Variants in VAV3 observed in about 807,000 individuals in gnomAD.
The protein encoded by VAV3 is guanine nucleotide exchange factor VAV3.
In VAV3, 94 loss-of-function variants were observed where a neutral mutation model predicts 131.2. The ratio of observed to expected loss-of-function variants is 0.72; its 90% CI spans 0.61 to 0.85. The LOEUF (loss-of-function observed/expected upper bound fraction) is 0.85. Ranked by LOEUF, VAV3 falls within the 40% of genes least tolerant of loss-of-function variation. The probability of loss-of-function intolerance (pLI) is 0.00; values close to 1 mark genes in which losing one functional copy is unlikely to be tolerated. For missense variants in VAV3, 939 were observed against 1,002.7 expected, an observed-to-expected ratio of 0.94 and a Z score of 0.86; for synonymous variants, 349 against 342.0, an observed-to-expected ratio of 1.02 and a Z score of -0.22.
intron 20 of VAV3, among the ~76,000 whole-genome samples, chr1:107,639,380 TAA>T (rs75758271): frequency 6.7e-6 from 1 of 150,272 alleles, no homozygotes; most frequent in South Asian, 2.1e-4. Context: ...ATCAAGAGAA[TAA>T]AAAAAAAGCC....
At chr1:107,597,613 A>C (rs1187521754) in intron 24 of VAV3, among the ~76,000 whole-genome samples, 1 of 152,206 alleles carries the variant, frequency 6.6e-6, no homozygotes, top group Non-Finnish European at 1.5e-5. Context: ...GTAAAATTAC[A>C]ATAGCCAGGA....
At chr1:107,911,896 A>G (rs1355681903) in intron 1 of VAV3, among the ~76,000 whole-genome samples, 6 of 152,238 alleles carry the variant, frequency 3.9e-5, no homozygotes, top group Non-Finnish European at 5.9e-5. Flanking sequence ...AGGCAAACAC[A>G]ATAGACTTAC....
chr1:107,940,735 CA>C (rs891400942), intron 1 of VAV3, among the ~76,000 whole-genome samples: 2 of 151,944 alleles, frequency 1.3e-5, no homozygotes, highest in African/African-American at 2.4e-5. Context: ...CACAAAGGGC[CA>C]AAAACTGTAT....
intron 2 of VAV3, among the ~76,000 whole-genome samples, chr1:107,818,354 C>T (rs1010866590): frequency 6.6e-6 from 1 of 152,062 alleles, no homozygotes; most frequent in Non-Finnish European, 1.5e-5. Context: ...AGTGGAAATG[C>T]ACCCAGTGCA....
In VAV3 at chr1:107,864,266, A is replaced by G. The variant is rs975981509; in HGVS notation, c.321+10635T>C. On this transcript the variant is annotated intron_variant, in intron 2 of 26. Coordinates refer to ENST00000370056, the MANE Select transcript of VAV3 (RefSeq NM_006113.5). Reference sequence around the variant, plus strand: ...AGGAGTAGCCCAAGGGGATCTACTGAAAGAGGTAGGATAGAATCTAGTTAA... The same window carrying G: ...AGGAGTAGCCCAAGGGGATCTACTGGAAGAGGTAGGATAGAATCTAGTTAA... 3.9e-5 allele frequency among the ~76,000 whole-genome samples: 6 copies of G among 152,214 alleles called. No individual in the cohort carries two copies. In the South Asian group the frequency reaches 1.2e-3, roughly 32 times the overall value.
chr1:107,806,698 C>A (rs1004289880), intron 2 of VAV3, among the ~76,000 whole-genome samples: 1 of 152,068 alleles, frequency 6.6e-6, no homozygotes. Flanking sequence ...ACATTGTAGA[C>A]CAAACCTAAC....
chr1:107,889,134 T>A (rs997098652), intron 1 of VAV3, among the ~76,000 whole-genome samples: 10 of 139,960 alleles, frequency 7.1e-5, no homozygotes, highest in Middle Eastern at 3.8e-3. Flanking sequence ...CTGTGTAGAG[T>A]GTGTGTGTGT....
chr1:107,896,068 T>G (rs1043853516), intron 1 of VAV3, among the ~76,000 whole-genome samples: 1 of 152,082 alleles, frequency 6.6e-6, no homozygotes, highest in South Asian at 2.1e-4. Flanking sequence ...CTTTCTCCCA[T>G]GGCCACAAGC....
intron 20 of VAV3, among the ~76,000 whole-genome samples, chr1:107,631,457 T>C (rs2101388617): frequency 7.0e-6 from 1 of 141,986 alleles, no homozygotes; most frequent in African/African-American, 2.6e-5. Context: ...CACTCTAGTA[T>C]ACTTTCTCTT....
At chr1:107,587,256 G>A (rs1361648032) in intron 25 of VAV3, among the ~76,000 whole-genome samples, 1 of 152,202 alleles carries the variant, frequency 6.6e-6, no homozygotes, top group African/African-American at 2.4e-5. Context: ...TATGTAGTCA[G>A]CTTATTAATG....
chr1:107,757,352 T>C lies in VAV3; in HGVS notation c.1018-23A>G, dbSNP rs76413318. On this transcript the variant is annotated intron_variant, in intron 10 of 26. Coordinates refer to ENST00000370056, the MANE Select transcript of VAV3 (RefSeq NM_006113.5). ...TTCCTATTTGGAAGATATGGTTTAG[T>C]ACTACTTTCATCAAATTAAAACTAA... 2.3e-3 allele frequency: 3,575 copies of C among 1,583,334 alleles called. 81 individuals are homozygous for C. In the African/African-American group the frequency reaches 0.044, roughly 19 times the overall value.
intron 15 of VAV3, among the ~76,000 whole-genome samples, chr1:107,748,101 T>C (rs1446086889): frequency 1.3e-5 from 2 of 152,072 alleles, no homozygotes; most frequent in Admixed American, 6.5e-5. Context: ...ATCCTATTCC[T>C]ACCTCTAGTT....
At chr1:107,910,587 G>A (rs1032858020) in intron 1 of VAV3, among the ~76,000 whole-genome samples, 4 of 152,188 alleles carry the variant, frequency 2.6e-5, no homozygotes, top group Admixed American at 2.6e-4. Flanking sequence ...AATCAATTCA[G>A]TATGCTGTAT....
chr1:107,587,118 C>T (rs1236015221), intron 25 of VAV3, among the ~76,000 whole-genome samples: 1 of 152,082 alleles, frequency 6.6e-6, no homozygotes, highest in Non-Finnish European at 1.5e-5. Flanking sequence ...AGATGTTAAG[C>T]TGTATTGTAT....
chr1:107,933,493 C>A (rs1414220831), intron 1 of VAV3, among the ~76,000 whole-genome samples: 1 of 152,078 alleles, frequency 6.6e-6, no homozygotes, highest in Non-Finnish European at 1.5e-5. Flanking sequence ...TAAAGCTCAT[C>A]TACCCATTTC....
chr1:107,822,511 C>T (rs766645176), intron 2 of VAV3, among the ~76,000 whole-genome samples: 7 of 151,566 alleles, frequency 4.6e-5, no homozygotes, highest in Non-Finnish European at 7.4e-5. Flanking sequence ...AAAAAACAGC[C>T]GGGCAAGGTG....
chr1:107,748,209 A>T (rs752191939), intron 15 of VAV3, among the ~76,000 whole-genome samples: 9 of 152,218 alleles, frequency 5.9e-5, no homozygotes, highest in Non-Finnish European at 1.3e-4. Flanking sequence ...AACAAATTCC[A>T]AATGTAGTTT....
At chr1:107,961,796 T>C (rs1675103320) in intron 1 of VAV3, among the ~76,000 whole-genome samples, 1 of 152,222 alleles carries the variant, frequency 6.6e-6, no homozygotes, top group South Asian at 2.1e-4. Flanking sequence ...TGCTTTTATT[T>C]TGAAAGATAA....
chr1:107,632,130 G>A (rs1338731680), intron 20 of VAV3, among the ~76,000 whole-genome samples: 3 of 152,254 alleles, frequency 2.0e-5, no homozygotes, highest in Admixed American at 2.0e-4. Context: ...TTGTAGCTAC[G>A]TTTAATAATA....
Sources: allele counts gnomAD v4.1 joint callset (sites outside exome capture counted in the v4.1 genomes callset), GRCh38; gene constraint gnomAD v4.1.1; transcripts MANE v1.5; gene names NCBI Gene and HGNC (gene_info 2026-07-23, HGNC 2026-07-21).